The following KRABD3 variants were observed in gnomAD, a reference collection of about 807,000 sequenced individuals.
KRABD3 encodes the protein KRAB domain containing 3.
chr7:149,721,018 C>T, the KRABD3 span: 4 of 1,610,716 alleles, frequency 2.5e-6, no homozygotes, highest in Admixed American at 3.3e-5. Context: ...GCAGTGCACG[C>T]AGCCTCCTCT....
the KRABD3 span, chr7:149,721,284 A>G: frequency 1.4e-6 from 2 of 1,411,992 alleles, no homozygotes; most frequent in Non-Finnish European, 1.9e-6. Flanking sequence ...CATCCTGGTC[A>G]TTGTTAGTAC....
At chr7:149,719,635 C>CGTGAT in the KRABD3 span, 2 of 1,608,688 alleles carry the variant, frequency 1.2e-6, no homozygotes, top group Non-Finnish European at 1.7e-6. The surrounding 1 kb of genome is among the most constrained non-coding windows in gnomAD (Gnocchi z 5.6). Flanking sequence ...TCTACCGAGA[C>CGTGAT]GTGATGCGGG....
the KRABD3 span, chr7:149,729,813 G>C: frequency 4.1e-6 from 4 of 985,276 alleles, no homozygotes; most frequent in Admixed American, 6.1e-5. Context: ...GTGAGATACT[G>C]GGGTGCAGGG....
chr7:149,730,422 C>T, the KRABD3 span: 64 of 1,584,298 alleles, frequency 4.0e-5, 1 homozygote, highest in East Asian at 2.8e-4. Context: ...TTGTTTGTGA[C>T]GTTAGAGAGG....
chr7:149,720,957 G>A, the KRABD3 span: 2 of 1,613,748 alleles, frequency 1.2e-6, no homozygotes, highest in East Asian at 2.2e-5. Context: ...GAGCCGGGGA[G>A]CCAGCCTGGA....
chr7:149,729,467 C>T, the KRABD3 span: 2 of 1,288,644 alleles, frequency 1.6e-6, no homozygotes, highest in East Asian at 3.1e-5. Context: ...GTTTCTTCCC[C>T]ATCTCTCATC....
At chr7:149,732,067 A>G in the KRABD3 span, among the ~76,000 whole-genome samples, 1 of 152,216 alleles carries the variant, frequency 6.6e-6, no homozygotes, top group African/African-American at 2.4e-5. This position sits in a 1 kb window ranked among gnomAD's most constrained non-coding sequence, Gnocchi z 4.0. Flanking sequence ...TGACCTGGCC[A>G]TGGTCACTGT....
At chr7:149,729,950 C>T in the KRABD3 span, 1 of 1,283,044 alleles carries the variant, frequency 7.8e-7, no homozygotes, top group Non-Finnish European at 9.8e-7. Flanking sequence ...TCCAAAGCTG[C>T]TGGGGTCCTG....
the KRABD3 span, chr7:149,719,350 T>G: frequency 3.8e-6 from 2 of 525,698 alleles, no homozygotes; most frequent in Non-Finnish European, 3.3e-6. This position sits in a 1 kb window ranked among gnomAD's most constrained non-coding sequence, Gnocchi z 5.6. Flanking sequence ...GCGTGAGGGT[T>G]AGGACTTCAG....
chr7:149,726,473 T>C, the KRABD3 span, among the ~76,000 whole-genome samples: 364 of 150,616 alleles, frequency 2.4e-3, 7 homozygotes, highest in Non-Finnish European at 1.9e-3. Flanking sequence ...GTCTAACTCC[T>C]GTTGCCTAGG....
chr7:149,722,593 A>G, the KRABD3 span: 1 of 1,586,686 alleles, frequency 6.3e-7, no homozygotes, highest in Non-Finnish European at 8.6e-7. Flanking sequence ...GCGATGGGGA[A>G]GTGTGTTTAG....
At chr7:149,718,142 C>G in the KRABD3 span, among the ~76,000 whole-genome samples, 1 of 152,054 alleles carries the variant, frequency 6.6e-6, no homozygotes, top group East Asian at 2.0e-4. Flanking sequence ...TGCAGGGGCT[C>G]ACGCCTGTAA....
the KRABD3 span, chr7:149,715,475 C>A: frequency 2.1e-6 from 1 of 472,942 alleles, no homozygotes; most frequent in Non-Finnish European, 2.8e-6. Context: ...GCAGGTAAGG[C>A]GTTTAGATCT....
chr7:149,733,960 G>A, the KRABD3 span: 66 of 1,604,136 alleles, frequency 4.1e-5, no homozygotes, highest in South Asian at 7.8e-5. Flanking sequence ...CCAAGGAGCC[G>A]AGCAGCCTGC....
At chr7:149,721,012 T>G in the KRABD3 span, 2 of 1,611,876 alleles carry the variant, frequency 1.2e-6, no homozygotes, top group Non-Finnish European at 1.7e-6. Flanking sequence ...AGTGGGGCAG[T>G]GCACGCAGCC....
At chr7:149,733,683 G>C in the KRABD3 span, 18 of 1,584,352 alleles carry the variant, frequency 1.1e-5, no homozygotes, top group Non-Finnish European at 1.5e-5. Context: ...ACCGCTCGCC[G>C]GGCACGTCCG....
At chr7:149,730,235 G>T in the KRABD3 span, 1 of 1,566,596 alleles carries the variant, frequency 6.4e-7, no homozygotes, top group African/African-American at 1.4e-5. Flanking sequence ...TCGCCTGCGT[G>T]GGAGGCCCCA....
chr7:149,733,331 T>C, the KRABD3 span: 1 of 1,612,448 alleles, frequency 6.2e-7, no homozygotes, highest in Non-Finnish European at 8.5e-7. Flanking sequence ...GCAGCCGCCA[T>C]GCCACTGTGG....
chr7:149,717,329 G>A, the KRABD3 span, among the ~76,000 whole-genome samples: 2 of 152,350 alleles, frequency 1.3e-5, no homozygotes, highest in African/African-American at 2.4e-5. Context: ...ATGGTGGGAA[G>A]CCTCCTGACA....
Sources: allele counts gnomAD v4.1 joint callset (sites outside exome capture counted in the v4.1 genomes callset), GRCh38; gene constraint gnomAD v4.1.1; non-coding constraint Gnocchi (gnomAD v3.1); transcripts MANE v1.5; gene names NCBI Gene and HGNC (gene_info 2026-07-23, HGNC 2026-07-21).